Variants in SMG6 observed in about 807,000 individuals in gnomAD.
SMG6 encodes the protein SMG6 nonsense mediated mRNA decay factor.
SMG6 carries 66 observed loss-of-function variants against 142.2 expected under a neutral mutation model. The observed-to-expected ratio is 0.46, with a 90% CI of 0.38 to 0.57. The LOEUF is 0.57. SMG6 is among the 20% of genes least tolerant of loss of function. SMG6 has a pLI of 0.00. For missense variants in SMG6, 1,793 were observed against 1,832.0 expected (o/e 0.98, Z 0.39); for synonymous variants, 779 against 702.4 (o/e 1.11, Z -1.72).
chr17:2,103,233 T>C (rs1009443651), intron 13 of SMG6, among the ~76,000 whole-genome samples: 1 of 152,084 alleles, frequency 6.6e-6, no homozygotes, highest in African/African-American at 2.4e-5. Flanking sequence ...AAAGGATCGT[T>C]CTGCCACTGA....
At chr17:2,156,055 TA>T (rs199600908) in intron 13 of SMG6, among the ~76,000 whole-genome samples, 49,060 of 139,500 alleles carry the variant, frequency 0.35, 9,498 homozygotes, top group African/African-American at 0.51. Context: ...TTTTTTTTTT[TA>T]AAATAATGAA....
At chr17:2,158,528 G>A (rs898231806) in intron 13 of SMG6, among the ~76,000 whole-genome samples, 1 of 152,068 alleles carries the variant, frequency 6.6e-6, no homozygotes, top group African/African-American at 2.4e-5. Context: ...AATAGCCCAC[G>A]AAAACATCAA....
At chr17:2,288,388 G>A (rs1293616564) in intron 6 of SMG6, among the ~76,000 whole-genome samples, 4 of 152,002 alleles carry the variant, frequency 2.6e-5, no homozygotes, top group Admixed American at 1.3e-4. Context: ...GGGAGGCTGA[G>A]GCAGGTGGCT....
intron 13 of SMG6, among the ~76,000 whole-genome samples, chr17:2,148,665 C>T (rs1250891675): frequency 6.6e-6 from 1 of 152,104 alleles, no homozygotes; most frequent in Non-Finnish European, 1.5e-5. Context: ...TCAAGACCAA[C>T]CTGGACAACA....
chr17:2,200,563 G>C (rs968646529), intron 10 of SMG6, among the ~76,000 whole-genome samples: 4 of 150,930 alleles, frequency 2.7e-5, no homozygotes, highest in Non-Finnish European at 5.9e-5. Context: ...ACAGGGTCTT[G>C]TTTTGTTGAC....
At chr17:2,302,398 A>G (rs1340176301) in intron 1 of SMG6, among the ~76,000 whole-genome samples, 1 of 152,126 alleles carries the variant, frequency 6.6e-6, no homozygotes, top group Non-Finnish European at 1.5e-5. Flanking sequence ...AAAATTAGCC[A>G]GGCGTGGTGG....
At chr17:2,143,706 G>A (rs1031499650) in intron 13 of SMG6, among the ~76,000 whole-genome samples, 2 of 152,128 alleles carry the variant, frequency 1.3e-5, no homozygotes, top group Admixed American at 6.6e-5. Context: ...TACTTTAAAA[G>A]GTTGAACTTC....
At chr17:2,187,047 C>G (rs4362428) in intron 11 of SMG6, among the ~76,000 whole-genome samples, 6 of 152,074 alleles carry the variant, frequency 3.9e-5, no homozygotes, top group African/African-American at 1.4e-4. Context: ...GACACAACTG[C>G]TTCTGCTTCA....
chr17:2,111,513 G>C (rs956964668), intron 13 of SMG6, among the ~76,000 whole-genome samples: 7 of 152,122 alleles, frequency 4.6e-5, no homozygotes, highest in Non-Finnish European at 1.0e-4. Context: ...CTGGGCTCAA[G>C]CGATCCTTCT....
At chr17:2,193,359 C>T (rs531845371) in intron 10 of SMG6, among the ~76,000 whole-genome samples, 82 of 152,278 alleles carry the variant, frequency 5.4e-4, no homozygotes, top group African/African-American at 1.9e-3. Flanking sequence ...CCTGCAGAAC[C>T]GTAAGTCAAT....
intron 13 of SMG6, among the ~76,000 whole-genome samples, chr17:2,109,384 C>T (rs1473832760): frequency 6.6e-6 from 1 of 152,138 alleles, no homozygotes; most frequent in African/African-American, 2.4e-5. Flanking sequence ...GTGCCTCAGC[C>T]TCGTAAGTAG....
intron 10 of SMG6, among the ~76,000 whole-genome samples, chr17:2,210,154 T>C (rs565078622): frequency 1.3e-5 from 2 of 152,198 alleles, no homozygotes; most frequent in African/African-American, 2.4e-5. Context: ...CCCTTTGTTA[T>C]AGCTGCAACA....
At chr17:2,098,950 A>G (rs1425692245) in intron 13 of SMG6, among the ~76,000 whole-genome samples, 1 of 152,044 alleles carries the variant, frequency 6.6e-6, no homozygotes, top group Non-Finnish European at 1.5e-5. Flanking sequence ...GAATTTTATC[A>G]GTTGGTTTTA....
chr17:2,196,193 G>A (rs535003321), intron 10 of SMG6, among the ~76,000 whole-genome samples: 37 of 152,258 alleles, frequency 2.4e-4, no homozygotes, highest in Admixed American at 8.5e-4. Flanking sequence ...AAGCTGAAGC[G>A]GGCAGATCAC....
intron 15 of SMG6, among the ~76,000 whole-genome samples, chr17:2,070,107 G>A (rs1490601852): frequency 1.3e-5 from 2 of 152,162 alleles, no homozygotes; most frequent in East Asian, 1.9e-4. Flanking sequence ...GTGGCCCAGC[G>A]CTTGCCTTCC....
chr17:2,233,327 G>A (rs933641646), intron 10 of SMG6: 2 of 152,376 alleles, frequency 1.3e-5, no homozygotes, highest in Admixed American at 6.5e-5. Flanking sequence ...AGAAGGACAT[G>A]TCCAAGAAGG....
At chr17:2,188,583 C>A (rs997880063) in intron 10 of SMG6, 68 bp from the exon 11 acceptor site, 3 of 1,387,824 alleles carry the variant, frequency 2.2e-6, no homozygotes, top group East Asian at 4.6e-5. Context: ...GCCACGTTAC[C>A]GAGCTTCCTT....
At chr17:2,229,421 C>A (rs191773452) in intron 10 of SMG6, 12 of 152,376 alleles carry the variant, frequency 7.9e-5, no homozygotes, top group African/African-American at 2.6e-4. Context: ...ATTCCTTGCA[C>A]TGTCTAGCTG....
At chr17:2,141,442 A>G (rs2070476929) in intron 13 of SMG6, among the ~76,000 whole-genome samples, 1 of 152,186 alleles carries the variant, frequency 6.6e-6, no homozygotes, top group Non-Finnish European at 1.5e-5. Context: ...CAGTTTGAGA[A>G]GGAACTTTTT....
Sources: gnomAD v4.1 joint callset for allele counts (sites outside exome capture counted in the v4.1 genomes callset) on GRCh38, gnomAD v4.1.1 for gene constraint, MANE v1.5 for transcripts, NCBI Gene and HGNC (gene_info 2026-07-23, HGNC 2026-07-21) for gene names.